Variants in ITGA9 observed in about 807,000 individuals in gnomAD.
ITGA9 encodes integrin alpha-9.
In ITGA9, 56 loss-of-function variants were observed where a neutral mutation model predicts 127.8. The ratio of observed to expected loss-of-function variants is 0.44; its 90% CI spans 0.35 to 0.55. The LOEUF (loss-of-function observed/expected upper bound fraction) is 0.55. Among genes scored for constraint, ITGA9 ranks in the 20% least tolerant of loss-of-function variants. The probability of loss-of-function intolerance (pLI) is 0.00; values close to 1 mark genes in which losing one functional copy is unlikely to be tolerated. For missense variants in ITGA9, 1,196 were observed against 1,347.1 expected, an observed-to-expected ratio of 0.89 and a Z score of 1.76; for synonymous variants, 508 against 514.5, an observed-to-expected ratio of 0.99 and a Z score of 0.17.
chr3:37,809,761 G>A (rs925972960), intron 27 of ITGA9, among the ~76,000 whole-genome samples: 1 of 152,114 alleles, frequency 6.6e-6, no homozygotes, highest in Admixed American at 6.5e-5. Context: ...TTCAACTACA[G>A]ACCTCTTGTT....
chr3:37,721,689 G>A (rs541781909), intron 18 of ITGA9, among the ~76,000 whole-genome samples: 1 of 152,182 alleles, frequency 6.6e-6, no homozygotes, highest in African/African-American at 2.4e-5. Context: ...CGGAGTGTTC[G>A]TGGCCAGCTC....
At chr3:37,732,945 T>A in intron 19 of ITGA9, 147 bp downstream of exon 19, 1 of 700,168 alleles carries the variant, frequency 1.4e-6, no homozygotes, top group South Asian at 1.5e-5. Flanking sequence ...CCTGACATGC[T>A]CCTGTCCCTG....
intron 18 of ITGA9, among the ~76,000 whole-genome samples, chr3:37,690,746 A>T (rs1575194243): frequency 6.6e-6 from 1 of 152,168 alleles, no homozygotes; most frequent in Non-Finnish European, 1.5e-5. Context: ...ACAGTGTGAG[A>T]TGCTCTCTTG....
chr3:37,701,380 T>C (rs1700943771), intron 18 of ITGA9, among the ~76,000 whole-genome samples: 1 of 152,118 alleles, frequency 6.6e-6, no homozygotes, highest in Admixed American at 6.5e-5. Context: ...GGGGGATATA[T>C]TAGGAAGTGA....
intron 26 of ITGA9, chr3:37,789,853 C>A: frequency 2.4e-6 from 1 of 408,502 alleles, no homozygotes. Context: ...TTTAATATGC[C>A]AAAAATGAGA....
intron 4 of ITGA9, among the ~76,000 whole-genome samples, chr3:37,482,641 G>A (rs1698568562): frequency 6.6e-6 from 1 of 152,112 alleles, no homozygotes; most frequent in African/African-American, 2.4e-5. Flanking sequence ...ACACTAAAAA[G>A]GATTCATGAG....
At chr3:37,706,291 T>C (rs1445496747) in intron 18 of ITGA9, among the ~76,000 whole-genome samples, 1 of 152,202 alleles carries the variant, frequency 6.6e-6, no homozygotes, top group Non-Finnish European at 1.5e-5. Context: ...TCCGTCTCAG[T>C]TGGACTATCT....
chr3:37,795,593 C>A (rs1246499069), intron 26 of ITGA9, among the ~76,000 whole-genome samples: 1 of 152,162 alleles, frequency 6.6e-6, no homozygotes, highest in Non-Finnish European at 1.5e-5. Flanking sequence ...TCCTCATACT[C>A]CCCATTTTCG....
intron 25 of ITGA9, among the ~76,000 whole-genome samples, chr3:37,781,296 G>C (rs1696973617): frequency 6.6e-6 from 1 of 152,172 alleles, no homozygotes; most frequent in Admixed American, 6.5e-5. Context: ...AAATATTTCA[G>C]GCTTTGCAGG....
intron 17 of ITGA9, among the ~76,000 whole-genome samples, chr3:37,669,449 G>T (rs992536478): frequency 6.6e-6 from 1 of 152,190 alleles, no homozygotes; most frequent in South Asian, 2.1e-4. Flanking sequence ...TCCCTGGCTC[G>T]CCAACAGATC....
intron 17 of ITGA9, among the ~76,000 whole-genome samples, chr3:37,672,563 C>T (rs767603612): frequency 6.6e-5 from 10 of 152,050 alleles, no homozygotes; most frequent in African/African-American, 1.9e-4. Context: ...CTAATACAGG[C>T]GGGATAGGCA....
At chr3:37,613,973 A>G (rs1700049383) in intron 15 of ITGA9, among the ~76,000 whole-genome samples, 4 of 152,154 alleles carry the variant, frequency 2.6e-5, no homozygotes. Flanking sequence ...GTTCAATTAG[A>G]TCCCATTTGT....
intron 18 of ITGA9, among the ~76,000 whole-genome samples, chr3:37,723,454 G>A (rs1701213335): frequency 6.6e-6 from 1 of 152,088 alleles, no homozygotes; most frequent in South Asian, 2.1e-4. Context: ...TCCGCCTGCT[G>A]GGTTCAATTG....
chr3:37,653,829 C>G, intron 17 of ITGA9, 39 bp downstream of exon 17: 1 of 1,509,760 alleles, frequency 6.6e-7, no homozygotes, highest in Non-Finnish European at 9.2e-7. Flanking sequence ...TTCTCAGGCT[C>G]CTTTTTCTTG....
At chr3:37,638,509 A>G (rs1028402485) in intron 16 of ITGA9, among the ~76,000 whole-genome samples, 4 of 151,800 alleles carry the variant, frequency 2.6e-5, no homozygotes, top group Non-Finnish European at 4.4e-5. Context: ...GAGGAGGAGG[A>G]AAGATTCTGA....
intron 18 of ITGA9, among the ~76,000 whole-genome samples, chr3:37,713,057 G>A (rs528219235): frequency 6.6e-6 from 1 of 152,256 alleles, no homozygotes; most frequent in African/African-American, 2.4e-5. Context: ...CCAGTCCTTG[G>A]TCCTGAGTGC....
intron 17 of ITGA9, among the ~76,000 whole-genome samples, chr3:37,654,023 A>G (rs1284615704): frequency 1.3e-5 from 2 of 152,168 alleles, no homozygotes; most frequent in African/African-American, 2.4e-5. Flanking sequence ...CATATCTCAC[A>G]ATGTAGCTTG....
intron 15 of ITGA9, among the ~76,000 whole-genome samples, chr3:37,565,369 C>A (rs535801401): frequency 6.6e-6 from 1 of 152,236 alleles, no homozygotes; most frequent in African/African-American, 2.4e-5. Flanking sequence ...AGTGGTCAGG[C>A]AAATAATTGA....
chr3:37,620,991 G>A (rs994258562), intron 15 of ITGA9, among the ~76,000 whole-genome samples: 1 of 152,228 alleles, frequency 6.6e-6, no homozygotes, highest in African/African-American at 2.4e-5. Flanking sequence ...TGGTTTGGCT[G>A]TGTCCCCACC....
Sources: gnomAD v4.1 joint callset for allele counts (sites outside exome capture counted in the v4.1 genomes callset) on GRCh38, gnomAD v4.1.1 for gene constraint, MANE v1.5 for transcripts, NCBI Gene and HGNC (gene_info 2026-07-23, HGNC 2026-07-21) for gene names.